The following EVI5 variants were observed in gnomAD, a reference collection of about 807,000 sequenced individuals.
The protein encoded by EVI5 is ecotropic viral integration site 5 protein homolog.
In EVI5, 73 loss-of-function variants were observed where a neutral mutation model predicts 112.0. That is an observed-to-expected ratio of 0.65 (90% CI 0.54 to 0.79). The LOEUF is 0.79. Ranked by LOEUF, EVI5 falls within the 30% of genes least tolerant of loss-of-function variation. The pLI is 0.00. For synonymous variants in EVI5, 305 were observed against 319.9 expected (o/e 0.95, Z 0.50); for missense variants, 900 against 968.8 (o/e 0.93, Z 0.94).
At chr1:92,533,773 C>A (rs1425247832) in intron 19 of EVI5, among the ~76,000 whole-genome samples, 1 of 152,094 alleles carries the variant, frequency 6.6e-6, no homozygotes, top group Non-Finnish European at 1.5e-5. Flanking sequence ...ATTGATGGAA[C>A]GTATCTCAAA....
In EVI5 at chr1:92,592,070, C is replaced by T. The variant is rs1244771836; in HGVS notation, c.2070+13237G>A. On this transcript the variant is annotated intron_variant, in intron 18 of 19. Coordinates refer to ENST00000684568, the MANE Select transcript of EVI5 (RefSeq NM_001350197.2). Reference sequence around the variant, plus strand: ...CATCCTGGCTAACATGGTGAAACCCCGTCTCTACTAAAAATACAAAAAATT... The same window carrying T: ...CATCCTGGCTAACATGGTGAAACCCTGTCTCTACTAAAAATACAAAAAATT... Among the ~76,000 whole-genome samples, 22 of 152,090 alleles carry T rather than the reference C, an allele frequency of 1.4e-4. No homozygotes were observed. The East Asian group carries it at 1.9e-3, about 13-fold the overall frequency.
chr1:92,633,541 C>A (rs71426683), intron 14 of EVI5, among the ~76,000 whole-genome samples: 6 of 152,128 alleles, frequency 3.9e-5, no homozygotes, highest in Non-Finnish European at 8.8e-5. Flanking sequence ...CTTCCTCCAT[C>A]CCTTTATTTT....
intron 9 of EVI5, among the ~76,000 whole-genome samples, chr1:92,689,452 G>A (rs149628175): frequency 2.2e-3 from 341 of 151,884 alleles, no homozygotes; most frequent in African/African-American, 7.7e-3. Context: ...AGCCAGGACC[G>A]CCCAGGCTCA....
intron 10 of EVI5, among the ~76,000 whole-genome samples, chr1:92,674,971 G>A (rs1666479485): frequency 6.6e-6 from 1 of 152,180 alleles, no homozygotes; most frequent in South Asian, 2.1e-4. Flanking sequence ...CCAACTGCCT[G>A]AGACACATGG....
intron 18 of EVI5, among the ~76,000 whole-genome samples, chr1:92,574,133 A>G (rs754513386): frequency 1.4e-4 from 22 of 152,164 alleles, no homozygotes; most frequent in Non-Finnish European, 2.9e-4. Context: ...GGATTGTTTG[A>G]TAACGACCTA....
At chr1:92,633,480 G>A (rs530081813) in intron 14 of EVI5, among the ~76,000 whole-genome samples, 5 of 152,232 alleles carry the variant, frequency 3.3e-5, no homozygotes, top group Non-Finnish European at 5.9e-5. Flanking sequence ...TTTTATCAGA[G>A]ACTAGGATTG....
intron 13 of EVI5, among the ~76,000 whole-genome samples, chr1:92,658,075 G>C (rs1239660276): frequency 1.3e-5 from 2 of 152,124 alleles, no homozygotes; most frequent in African/African-American, 2.4e-5. Flanking sequence ...CATAGGCATT[G>C]AAGGAATATA....
At chr1:92,682,503 T>G (rs1667754918) in intron 9 of EVI5, among the ~76,000 whole-genome samples, 1 of 152,184 alleles carries the variant, frequency 6.6e-6, no homozygotes, top group Admixed American at 6.5e-5. Context: ...GGCTCATGCC[T>G]GTAATCCCAG....
At chr1:92,664,091 C>T (rs147706664) in intron 11 of EVI5, among the ~76,000 whole-genome samples, 627 of 152,258 alleles carry the variant, frequency 4.1e-3, no homozygotes, top group African/African-American at 0.014. Flanking sequence ...ATCTTTTAGA[C>T]TTAATCCATA....
intron 2 of EVI5, among the ~76,000 whole-genome samples, chr1:92,709,037 T>C (rs549807346): frequency 3.2e-4 from 48 of 152,302 alleles, no homozygotes; most frequent in Admixed American, 8.5e-4. Flanking sequence ...GTGTTGACAA[T>C]TGCACAATTC....
At chr1:92,635,807 A>C (rs997500193) in intron 14 of EVI5, among the ~76,000 whole-genome samples, 2 of 152,164 alleles carry the variant, frequency 1.3e-5, no homozygotes, top group Admixed American at 6.5e-5. Flanking sequence ...CGCTCAGATG[A>C]AATTTTCCCG....
At chr1:92,682,632 G>A (rs1443295116) in intron 9 of EVI5, among the ~76,000 whole-genome samples, 2 of 152,114 alleles carry the variant, frequency 1.3e-5, no homozygotes, top group East Asian at 3.9e-4. Context: ...GGACATGGTG[G>A]CATGCGCCTC....
chr1:92,548,821 A>T (rs1393877733), intron 19 of EVI5, among the ~76,000 whole-genome samples: 1 of 152,232 alleles, frequency 6.6e-6, no homozygotes, highest in East Asian at 1.9e-4. Context: ...GGAGAACTAC[A>T]AACCACTGCT....
chr1:92,775,924 C>A (rs1026857107), intron 1 of EVI5, among the ~76,000 whole-genome samples: 2 of 152,022 alleles, frequency 1.3e-5, no homozygotes, highest in Non-Finnish European at 2.9e-5. Context: ...CTGGCTAACA[C>A]GGTGAAACCC....
chr1:92,609,602 C>T (rs2101623412), intron 16 of EVI5, among the ~76,000 whole-genome samples: 1 of 152,262 alleles, frequency 6.6e-6, no homozygotes, highest in African/African-American at 2.4e-5. Context: ...AAGTAATCCG[C>T]CCGCCTCAGC....
chr1:92,636,313 G>A lies in EVI5; in HGVS notation c.1416C>T (p.Asn472=), dbSNP rs199709012. Residue 472 remains asparagine, a synonymous_variant, in exon 14 of 20, where the codon AAC becomes AAT. Coordinates refer to ENST00000684568, the MANE Select transcript of EVI5 (RefSeq NM_001350197.2). ...TCTCTAGCTGTAGCACAAAATCTTC[G>A]TTGTAGTTGGAACTGCATTTATGCT... is the stretch of plus-strand genomic sequence containing the variant. ...QQWHKCSSNY[N]EDFVLQLEKE... 1.4e-4 allele frequency: 223 copies of A among 1,613,438 alleles called. 1 individual carries two copies. The highest frequency in any genetic ancestry group is 1.7e-4 in the Non-Finnish European group (195 of 1,179,612).
At chr1:92,592,662 T>C (rs1227291902) in intron 18 of EVI5, among the ~76,000 whole-genome samples, 3 of 151,870 alleles carry the variant, frequency 2.0e-5, no homozygotes, top group South Asian at 2.1e-4. Flanking sequence ...ACAAAATAAA[T>C]AGACCACTAG....
chr1:92,576,716 G>A (rs1331339511), intron 18 of EVI5, among the ~76,000 whole-genome samples: 3 of 152,182 alleles, frequency 2.0e-5, no homozygotes, highest in Non-Finnish European at 2.9e-5. Context: ...CTAGCCCACT[G>A]ATTCTGGTTC....
rs3042578 is a variant in EVI5 at position 92,747,716 on chromosome 1, C to CAAAAAAAAAAAAAAAAAAAA, written c.-81-11090_-81-11089insTTTTTTTTTTTTTTTTTTTT. On this transcript the variant is annotated intron_variant, in intron 1 of 19. Transcript: ENST00000684568. ...GTGACAGAGCCAGACTCCATCTCAC[C>CAAAAAAAAAAAAAAAAAAAA]AAAAAAAAAAACAAAAAAAAAAACC... is the stretch of plus-strand genomic sequence containing the variant. 2.4e-5 allele frequency among the ~76,000 whole-genome samples: 2 copies of CAAAAAAAAAAAAAAAAAAAA among 83,546 alleles called. 1 individual carries two copies. The highest frequency in any genetic ancestry group is 4.4e-5 in the Non-Finnish European group (2 of 45,718). 54.8% of individuals were successfully genotyped at this position (83,546 alleles called of 152,430 possible).
Sources: gnomAD v4.1 joint callset for allele counts (sites outside exome capture counted in the v4.1 genomes callset) on GRCh38, gnomAD v4.1.1 for gene constraint, MANE v1.5 for transcripts, NCBI Gene and HGNC (gene_info 2026-07-23, HGNC 2026-07-21) for gene names.